Variants in CREBBP observed in about 807,000 individuals in gnomAD.
CREBBP encodes the protein CREB binding lysine acetyltransferase, also known as CREB-binding protein.
Under a neutral mutation model 265.0 loss-of-function variants are expected in CREBBP, and 19 were observed. The ratio of observed to expected loss-of-function variants is 0.07; its 90% CI spans 0.05 to 0.11. The LOEUF is 0.11. Ranked by LOEUF, CREBBP falls within the 10% of genes least tolerant of loss-of-function variation. The pLI is 1.00. For synonymous variants in CREBBP, 1,457 were observed against 1,223.7 expected, an observed-to-expected ratio of 1.19 and a Z score of -3.98; for missense variants, 2,525 against 3,219.0, an observed-to-expected ratio of 0.78 and a Z score of 5.22.
At chr16:3,875,219 A>G (rs2055374575) in intron 1 of CREBBP, among the ~76,000 whole-genome samples, 1 of 152,222 alleles carries the variant, frequency 6.6e-6, no homozygotes, top group South Asian at 2.1e-4. Flanking sequence ...CATCTTCTGA[A>G]GGCCCTCTAA....
chr16:3,821,782 C>G (rs1052830135), intron 2 of CREBBP, among the ~76,000 whole-genome samples: 1 of 152,192 alleles, frequency 6.6e-6, no homozygotes, highest in African/African-American at 2.4e-5. Context: ...GTAATCCCAG[C>G]ACTTTGAAAG....
At chr16:3,838,269 T>C (rs1457885417) in intron 2 of CREBBP, among the ~76,000 whole-genome samples, 2 of 152,222 alleles carry the variant, frequency 1.3e-5, no homozygotes, top group Admixed American at 6.5e-5. Context: ...AGTAACATGA[T>C]GTACAGATTT....
chr16:3,861,525 A>G (rs2055072575), intron 1 of CREBBP, among the ~76,000 whole-genome samples: 1 of 152,126 alleles, frequency 6.6e-6, no homozygotes, highest in Admixed American at 6.5e-5. Flanking sequence ...CCACTTATCA[A>G]TGGTAGTGAC....
At chr16:3,759,670 A>G (rs2151387251) in intron 16 of CREBBP, among the ~76,000 whole-genome samples, 1 of 152,232 alleles carries the variant, frequency 6.6e-6, no homozygotes, top group Non-Finnish European at 1.5e-5. Flanking sequence ...AATTAAATTC[A>G]GGCCACTGGA....
Position 3,790,809 on chromosome 16 carries a change from G to A in CREBBP, c.1330+1172C>T, listed in dbSNP as rs986223850. On this transcript the variant is annotated intron_variant, in intron 5 of 30. Transcript: ENST00000262367. ...CGCTGCCTACTCCCTCGCCGCCAGAGGGAGGTGGGCTGGACTCAGTAAAAG... is the reference window on the plus strand; with the variant it reads ...CGCTGCCTACTCCCTCGCCGCCAGAAGGAGGTGGGCTGGACTCAGTAAAAG... 4.6e-5 allele frequency among the ~76,000 whole-genome samples: 7 copies of A among 152,188 alleles called. No homozygotes were observed. The East Asian group carries it at 9.6e-4, about 21-fold the overall frequency.
chr16:3,828,454 A>G (rs2054281967), intron 2 of CREBBP, among the ~76,000 whole-genome samples: 1 of 152,232 alleles, frequency 6.6e-6, no homozygotes, highest in Non-Finnish European at 1.5e-5. Context: ...TCAGATTAAG[A>G]GCCATAACCC....
intron 19 of CREBBP, among the ~76,000 whole-genome samples, chr16:3,756,339 C>G (rs763905469): frequency 2.9e-4 from 44 of 152,264 alleles, no homozygotes; most frequent in Admixed American, 7.8e-4. Flanking sequence ...TGCGCTCACA[C>G]TGCAGCGGCA....
At chr16:3,820,387 G>C (rs570037551) in intron 2 of CREBBP, among the ~76,000 whole-genome samples, 1 of 152,338 alleles carries the variant, frequency 6.6e-6, no homozygotes, top group African/African-American at 2.4e-5. Context: ...CCTGGGGCAG[G>C]AGAGTTGGGC....
chr16:3,727,588 A>G lies in CREBBP; in HGVS notation c.*130T>C. ...AATATATTCTTTGTATTGTTTCTTTAAACATCAATCCACCCTTCCATGGCT... is the reference window on the plus strand; with the variant it reads ...AATATATTCTTTGTATTGTTTCTTTGAACATCAATCCACCCTTCCATGGCT... On this transcript the variant is annotated 3_prime_UTR_variant, in exon 31 of 31. Coordinates refer to ENST00000262367, the MANE Select transcript of CREBBP (RefSeq NM_004380.3). 1 of 1,451,932 alleles carries G rather than the reference A, an allele frequency of 6.9e-7. No homozygotes were observed. The highest frequency in any genetic ancestry group is 1.2e-5 in the South Asian group (1 of 81,068). The allele number at this position is 1,451,932 out of a possible 1,614,324, so 89.9% of individuals were successfully genotyped here. A position where few individuals can be genotyped will look rare whatever the true frequency, so the allele number is the denominator to read the frequency against.
Position 3,731,739 on chromosome 16 carries a change from C to T in CREBBP, c.4890+37G>A, listed in dbSNP as rs2051922838. The T allele has an allele frequency of 6.2e-7, 1 of 1,613,834 alleles. No individual in the cohort carries two copies. Among genetic ancestry groups the T allele is most frequent in the Non-Finnish European group, 8.5e-7 (1 of 1,179,874 alleles). ...GCTGCGAGTCTTTCCCTCCTCCCGG[C>T]CAGAGGCACGGCTGCAGCACCGCAG... On this transcript the variant is annotated intron_variant, in intron 29 of 30. Transcript: ENST00000262367. The surrounding 1 kb of genome is among the most constrained non-coding windows in gnomAD (Gnocchi z 7.7).
intron 23 of CREBBP, chr16:3,742,020 G>C (rs1336477494): frequency 1.3e-5 from 2 of 152,104 alleles, no homozygotes; most frequent in African/African-American, 4.8e-5. Flanking sequence ...GCAAGAGCTT[G>C]CAGTGAGCCG....
chr16:3,848,138 C>G (rs1245854727), intron 2 of CREBBP, among the ~76,000 whole-genome samples: 1 of 151,294 alleles, frequency 6.6e-6, no homozygotes, highest in Non-Finnish European at 1.5e-5. Flanking sequence ...CCACTGCACT[C>G]CAGACACTGG....
In CREBBP at chr16:3,769,211, G is replaced by T. The variant is rs2052936967; in HGVS notation, c.3023C>A (p.Pro1008His). ...KTETQAEDTEPDPGESKGEPR... is the reference protein window; with the variant it reads ...KTETQAEDTEHDPGESKGEPR... ...CTCCCCTTTGGATTCACCAGGATCG[G>T]GCTCAGTGTCCTCTGCTTGGGTCTC... The change falls in exon 15 of 31, where the codon CCC becomes CAC. Residue 1008 changes from proline to histidine, a missense_variant. Around this residue, in one of 19 missense-constraint regions of CREBBP, gnomAD observed 548 missense variants for 533.0 expected, o/e 1.03. Transcript: ENST00000262367. 6.2e-7 allele frequency: 1 copy of T among 1,613,992 alleles called. No individual in the cohort carries two copies. Among genetic ancestry groups the T allele is most frequent in the Non-Finnish European group, 8.5e-7 (1 of 1,180,030 alleles).
At chr16:3,826,110 G>A (rs1184601239) in intron 2 of CREBBP, among the ~76,000 whole-genome samples, 1 of 152,144 alleles carries the variant, frequency 6.6e-6, no homozygotes, top group Non-Finnish European at 1.5e-5. Flanking sequence ...CTCCTCAGGA[G>A]GCTGGGGTAG....
intron 1 of CREBBP, among the ~76,000 whole-genome samples, chr16:3,879,529 CCAAA>C (rs2055477924): frequency 6.6e-6 from 1 of 152,236 alleles, no homozygotes; most frequent in Admixed American, 6.5e-5. Flanking sequence ...TAGGACATTA[CCAAA>C]CAAACCCACA....
intron 2 of CREBBP, among the ~76,000 whole-genome samples, chr16:3,842,120 C>G (rs2141453488): frequency 6.6e-6 from 1 of 152,278 alleles, no homozygotes; most frequent in South Asian, 2.1e-4. Context: ...AAAATAAGCC[C>G]TAATCTGACC....
chr16:3,869,240 T>C (rs1039721451), intron 1 of CREBBP, among the ~76,000 whole-genome samples: 1 of 152,202 alleles, frequency 6.6e-6, no homozygotes, highest in Non-Finnish European at 1.5e-5. Flanking sequence ...AGGTCACACC[T>C]GACTGCAGTT....
At position 3,780,819 on chromosome 16, in the gene CREBBP, G is replaced by A. The variant is rs529772220; in HGVS notation, c.1736C>T (p.Thr579Ile). Residue 579 changes from threonine to isoleucine, a missense_variant, in exon 8 of 31, where the codon ACA becomes ATA. By Grantham distance (89) the Thr-to-Ile change is moderately conservative. This residue lies in a region of CREBBP where 144 missense variants were observed against 134.0 expected (regional missense o/e 1.07). Transcript: ENST00000262367. ...GNIGTLSTIPTAAPPSSTGVR... is the reference protein window; with the variant it reads ...GNIGTLSTIPIAAPPSSTGVR... Reference sequence around the variant, plus strand: ...ACCGGTGCTAGAAGGAGGAGCTGCTGTTGGTATAGTGCTGAGGGTTCCAAT... The same window carrying A: ...ACCGGTGCTAGAAGGAGGAGCTGCTATTGGTATAGTGCTGAGGGTTCCAAT... 1.2e-6 allele frequency: 2 copies of A among 1,613,970 alleles called. 1 individual carries two copies. The highest frequency in any genetic ancestry group is 2.2e-5 in the South Asian group (2 of 91,072).
intron 3 of CREBBP, among the ~76,000 whole-genome samples, chr16:3,804,837 G>C (rs557449997): frequency 6.6e-6 from 1 of 152,320 alleles, no homozygotes; most frequent in African/African-American, 2.4e-5. Flanking sequence ...GATGATTTAT[G>C]CTTCCACCTA....
Sources: allele counts gnomAD v4.1 joint callset (sites outside exome capture counted in the v4.1 genomes callset), GRCh38; gene constraint gnomAD v4.1.1; regional missense constraint gnomAD v4.1.1; non-coding constraint Gnocchi (gnomAD v3.1); transcripts MANE v1.5; gene names NCBI Gene and HGNC (gene_info 2026-07-23, HGNC 2026-07-21).